KAT2B: variants seen among roughly 807,000 people sequenced by gnomAD.
KAT2B encodes histone acetyltransferase KAT2B.
In KAT2B, 36 loss-of-function variants were observed where a neutral mutation model predicts 105.9. The observed-to-expected ratio is 0.34, with a 90% confidence interval of 0.26 to 0.45. KAT2B has a LOEUF of 0.45. Among genes scored for constraint, KAT2B ranks in the 20% least tolerant of loss-of-function variants. The pLI is 1.00. For synonymous variants in KAT2B, 397 were observed against 377.9 expected, an observed-to-expected ratio of 1.05 and a Z score of -0.59; for missense variants, 820 against 1,021.6, an observed-to-expected ratio of 0.80 and a Z score of 2.69.
chr3:20,122,858 C>T, intron 9 of KAT2B, 54 bp downstream of exon 9: 1 of 1,554,770 alleles, frequency 6.4e-7, no homozygotes, highest in Non-Finnish European at 8.7e-7. Flanking sequence ...GCTCTCCTGG[C>T]CACTCCAGCT....
intron 5 of KAT2B, among the ~76,000 whole-genome samples, chr3:20,109,249 T>C (rs886710879): frequency 2.0e-5 from 3 of 152,146 alleles, no homozygotes; most frequent in Admixed American, 1.3e-4. Context: ...TATGGTTTCA[T>C]TACTAGTTAT....
chr3:20,099,798 G>C, intron 3 of KAT2B, 64 bp from the exon 4 acceptor site: 1 of 779,732 alleles, frequency 1.3e-6, no homozygotes, highest in Non-Finnish European at 2.2e-6. Context: ...AGAAGAGAGA[G>C]GAGAGAGAGA....
chr3:20,148,315 C>T lies in KAT2B; in HGVS notation c.2220+9C>T, dbSNP rs769656875. On this transcript the variant is annotated intron_variant, in intron 16 of 17. Coordinates refer to ENST00000263754, the MANE Select transcript of KAT2B (RefSeq NM_003884.5). ...TCCTCCAGCAGGTGAAGGTGGGTGTCCTCTTTATTCACCTCATGCAAATAT... is the reference window on the plus strand; with the variant it reads ...TCCTCCAGCAGGTGAAGGTGGGTGTTCTCTTTATTCACCTCATGCAAATAT... 2 of 1,613,130 alleles carry T rather than the reference C, an allele frequency of 1.2e-6. No individual in the cohort carries two copies. Among genetic ancestry groups the T allele is most frequent in the Admixed American group, 3.3e-5 (2 of 59,982 alleles).
Position 20,095,341 on chromosome 3 carries a change from A to G in KAT2B, c.509A>G (p.Tyr170Cys). Residue 170 changes from tyrosine to cysteine, a missense_variant, in exon 3 of 18, where the codon TAT becomes TGT. By Grantham distance (194) the Tyr-to-Cys change is radical (BLOSUM62 -2). This residue lies in a region of KAT2B where 173 missense variants were observed against 249.5 expected (regional missense o/e 0.69). Transcript: ENST00000263754. ...CTGGGAATAGTATTGGATGTGGAAT[A>G]TCTCTTTACCTGTGTCCACAAGGAA... ...RLLGIVLDVE[Y>C]LFTCVHKEED... 1 of 1,601,762 alleles carries G rather than the reference A, an allele frequency of 6.2e-7. No individual in the cohort carries two copies. Among genetic ancestry groups the G allele is most frequent in the Non-Finnish European group, 8.6e-7 (1 of 1,168,840 alleles).
chr3:20,045,410 G>A lies in KAT2B; in HGVS notation c.303+4630G>A, dbSNP rs114448070. 8.9e-3 allele frequency among the ~76,000 whole-genome samples: 1,354 copies of A among 151,700 alleles called. 23 individuals carry two copies. The highest frequency in any genetic ancestry group is 0.031 in the African/African-American group (1,293 of 41,312). On this transcript the variant is annotated intron_variant, in intron 1 of 17. Transcript: ENST00000263754. ...CTGTTGCCCAGGATGGGGTACACTG[G>A]CACGATCATAGCTCACTGCAGCCTT...
intron 2 of KAT2B, among the ~76,000 whole-genome samples, chr3:20,092,960 A>G (rs931202950): frequency 5.3e-5 from 8 of 152,144 alleles, no homozygotes; most frequent in African/African-American, 1.9e-4. Flanking sequence ...TCAGCCTCCC[A>G]AAGTGCTGGG....
intron 4 of KAT2B, among the ~76,000 whole-genome samples, chr3:20,100,626 ATCAG>A (rs1698893776): frequency 6.6e-6 from 1 of 152,212 alleles, no homozygotes; most frequent in Non-Finnish European, 1.5e-5. Flanking sequence ...ATGCATTTTT[ATCAG>A]TCAGTTTTCA....
intron 2 of KAT2B, 39 bp downstream of exon 2, chr3:20,072,498 A>G (rs756292917): frequency 2.8e-5 from 44 of 1,593,150 alleles, no homozygotes; most frequent in Non-Finnish European, 3.6e-5. Flanking sequence ...TAACGAGTTC[A>G]TTGTAGCGTG....
intron 1 of KAT2B, among the ~76,000 whole-genome samples, chr3:20,062,757 T>C (rs981803061): frequency 2.6e-5 from 4 of 151,892 alleles, no homozygotes; most frequent in African/African-American, 9.7e-5. Flanking sequence ...TCACCGTGCC[T>C]GGCCCATTTT....
chr3:20,110,688 A>G (rs994992921), intron 5 of KAT2B, among the ~76,000 whole-genome samples: 5 of 140,818 alleles, frequency 3.6e-5, no homozygotes, highest in South Asian at 2.2e-4. Context: ...AAAAAAAAAA[A>G]AAAGAAAGAA....
intron 1 of KAT2B, among the ~76,000 whole-genome samples, chr3:20,068,303 G>A (rs1698260345): frequency 6.6e-6 from 1 of 151,512 alleles, no homozygotes; most frequent in South Asian, 2.1e-4. Context: ...ACCCTGTCTG[G>A]TTTAATTTCA....
At chr3:20,050,158 C>T (rs9850104) in intron 1 of KAT2B, among the ~76,000 whole-genome samples, 2,037 of 150,750 alleles carry the variant, frequency 0.014, 47 homozygotes, top group African/African-American at 0.047. Flanking sequence ...TGAGATCATA[C>T]CACTGCACTC....
intron 5 of KAT2B, among the ~76,000 whole-genome samples, chr3:20,110,769 C>G (rs1699107364): frequency 6.6e-6 from 1 of 151,464 alleles, no homozygotes; most frequent in African/African-American, 2.4e-5. Flanking sequence ...AATGCACTTT[C>G]TAAATTAGAT....
Position 20,125,849 on chromosome 3 carries a change from C to G in KAT2B, c.1414-56C>G. Reference sequence around the variant, plus strand: ...ATGAGAAGCTTGGATGTGTCCCATCCCCACTGTCTTGAGAGAATAGCTCTG... The same window carrying G: ...ATGAGAAGCTTGGATGTGTCCCATCGCCACTGTCTTGAGAGAATAGCTCTG... On this transcript the variant is annotated intron_variant, in intron 9 of 17. Transcript: ENST00000263754. The G allele has an allele frequency of 5.0e-6, 7 of 1,400,586 alleles. No homozygotes were observed. In the South Asian group the frequency reaches 8.1e-5, roughly 16 times the overall value. The allele number at this position is 1,400,586 out of a possible 1,614,324, so 86.8% of individuals were successfully genotyped here.
chr3:20,082,984 G>A (rs1698546719), intron 2 of KAT2B, among the ~76,000 whole-genome samples: 2 of 152,172 alleles, frequency 1.3e-5, no homozygotes, highest in South Asian at 4.1e-4. Context: ...GTTGAATGCA[G>A]ATCAAAACAG....
chr3:20,070,118 G>C (rs1698294231), intron 1 of KAT2B, among the ~76,000 whole-genome samples: 1 of 151,936 alleles, frequency 6.6e-6, no homozygotes, highest in East Asian at 1.9e-4. Context: ...GTAGCTATGG[G>C]GATGCTGATG....
intron 2 of KAT2B, among the ~76,000 whole-genome samples, chr3:20,077,725 T>G (rs1698444196): frequency 6.6e-6 from 1 of 152,258 alleles, no homozygotes; most frequent in Admixed American, 6.5e-5. Context: ...TAGAATATTC[T>G]AGTTCATTCT....
At chr3:20,085,460 C>G (rs923316104) in intron 2 of KAT2B, among the ~76,000 whole-genome samples, 3 of 151,604 alleles carry the variant, frequency 2.0e-5, no homozygotes, top group African/African-American at 4.8e-5. Flanking sequence ...TATATTTAAA[C>G]ATTAATTTTT....
chr3:20,147,305 T>C (rs1466351398), intron 14 of KAT2B, among the ~76,000 whole-genome samples: 1 of 152,132 alleles, frequency 6.6e-6, no homozygotes, highest in East Asian at 1.9e-4. Flanking sequence ...AATGACATAA[T>C]AGCAACCATA....
Sources: gnomAD v4.1 joint callset for allele counts (sites outside exome capture counted in the v4.1 genomes callset) on GRCh38, gnomAD v4.1.1 for gene constraint, gnomAD v4.1.1 regional missense constraint, MANE v1.5 for transcripts, NCBI Gene and HGNC (gene_info 2026-07-23, HGNC 2026-07-21) for gene names.